Variants in PPIL2 observed in about 807,000 individuals in gnomAD.
The protein encoded by PPIL2 is peptidylprolyl isomerase like 2.
A neutral mutation model predicts 75.2 loss-of-function variants in PPIL2; 50 were observed. The observed-to-expected ratio is 0.66, with a 90% confidence interval of 0.53 to 0.84. The LOEUF (loss-of-function observed/expected upper bound fraction) is 0.84. PPIL2 is among the 40% of genes least tolerant of loss of function. The pLI is 0.00. For synonymous variants in PPIL2, 245 were observed against 258.8 expected, an observed-to-expected ratio of 0.95 and a Z score of 0.51; for missense variants, 590 against 685.0, an observed-to-expected ratio of 0.86 and a Z score of 1.55.
At chr22:21,681,159 C>A in intron 6 of PPIL2, 140 bp from the exon 7 acceptor site, 2 of 681,030 alleles carry the variant, frequency 2.9e-6, no homozygotes, top group Non-Finnish European at 5.2e-6. Flanking sequence ...TGGTTCCCTG[C>A]TCTGGCAGCT....
Position 21,694,752 on chromosome 22 carries a change from TAGG to T in PPIL2, c.1273_1275del (p.Glu425del), listed in dbSNP as rs769583859. The T allele has an allele frequency of 4.6e-5, 74 of 1,610,500 alleles. 1 individual carries two copies. The South Asian group carries it at 7.8e-4, about 17-fold the overall frequency. ...CCGTGCACTGAGCCCCCTTTGCTGC[TAGG>T]AGGAGATCCGCATTGATGCCACTAC... On this transcript the variant is annotated splice_acceptor_variant and coding_sequence_variant, in exon 18 of 20. Coordinates refer to ENST00000398831, the MANE Select transcript of PPIL2 (RefSeq NM_014337.4). LOFTEE classifies it high-confidence loss of function.
At chr22:21,668,871 C>A (rs1036307824) in intron 1 of PPIL2, among the ~76,000 whole-genome samples, 5 of 151,498 alleles carry the variant, frequency 3.3e-5, no homozygotes, top group Admixed American at 6.6e-5. Context: ...GCCACCACGC[C>A]CGGCTAATTT....
chr22:21,681,378 C>G lies in PPIL2; in HGVS notation c.375C>G (p.Val125=). 1 of 1,613,468 alleles carries G rather than the reference C, an allele frequency of 6.2e-7. No homozygotes were observed. Among genetic ancestry groups the G allele is most frequent in the South Asian group, 1.1e-5 (1 of 91,076 alleles). Residue 125 remains valine, a synonymous_variant, in exon 7 of 20, where the codon GTC becomes GTG. Transcript: ENST00000398831. ...HIVAVRTTGN[V]YAYEAVEQLN... is the part of the protein sequence containing the mutation. ...TGGCTGTGAGGACGACCGGCAACGT[C>G]TACGCCTATGAGGTGTGTCCTCGCT... is the stretch of plus-strand genomic sequence containing the variant.
rs2041363090 is a variant in PPIL2 at position 21,693,853 on chromosome 22, A to C, written c.1177A>C (p.Lys393Gln). 6.5e-7 allele frequency: 1 copy of C among 1,546,446 alleles called. No individual in the cohort carries two copies. The highest frequency in any genetic ancestry group is 1.7e-5 in the Admixed American group (1 of 59,890). The stretch of plus-strand genomic sequence containing the variant: ...TCGCTCCTGTGCCTACCTGGACAAG[A>C]AGCATACCATCTTTGGACGGTAAGG... ...TFRSCAYLDKKHTIFGRVVGG... is the reference protein window; with the variant it reads ...TFRSCAYLDKQHTIFGRVVGG... The change falls in exon 16 of 20, where the codon AAG becomes CAG. Residue 393 changes from lysine (K) to glutamine (Q), a missense_variant. Physicochemically the swap from Lys to Gln is moderately conservative, Grantham distance 53. Coordinates refer to ENST00000398831, the MANE Select transcript of PPIL2 (RefSeq NM_014337.4).
At chr22:21,699,789 G>A (rs924153604), downstream of PPIL2, 3 of 152,194 alleles carry the variant, frequency 2.0e-5, no homozygotes, top group African/African-American at 4.9e-5. Context: ...ACTTTTCCTC[G>A]GTCCAGTGTG....
chr22:21,682,607 G>A (rs761637982), intron 8 of PPIL2, 81 bp downstream of exon 8: 61 of 721,266 alleles, frequency 8.5e-5, no homozygotes, highest in African/African-American at 1.5e-4. Flanking sequence ...CTACCCCCAC[G>A]TCAGGGCCCC....
intron 15 of PPIL2, among the ~76,000 whole-genome samples, chr22:21,689,530 A>T (rs1446257808): frequency 6.6e-6 from 1 of 152,208 alleles, no homozygotes; most frequent in Non-Finnish European, 1.5e-5. Flanking sequence ...GTAGAGAAAA[A>T]CTACCGTTCA....
chr22:21,685,515 T>G, intron 10 of PPIL2: 1 of 368,196 alleles, frequency 2.7e-6, no homozygotes, highest in Non-Finnish European at 5.2e-6. Context: ...GTTCTCCTTC[T>G]TAAAGAATTA....
chr22:21,682,268 CTG>C (rs1217529254), intron 7 of PPIL2, among the ~76,000 whole-genome samples, 167 bp from the exon 8 acceptor site: 1 of 152,320 alleles, frequency 6.6e-6, no homozygotes, highest in East Asian at 1.9e-4. Flanking sequence ...AGCTCCGCCT[CTG>C]TGGGAGCCAC....
intron 10 of PPIL2, among the ~76,000 whole-genome samples, chr22:21,686,144 C>T (rs1008783401): frequency 1.4e-4 from 22 of 152,116 alleles, no homozygotes; most frequent in African/African-American, 5.3e-4. Context: ...AGCCTGGGTA[C>T]AGAGCAAGAC....
intron 8 of PPIL2, among the ~76,000 whole-genome samples, chr22:21,682,827 GA>G (rs1320492290): frequency 6.6e-6 from 1 of 152,262 alleles, no homozygotes; most frequent in African/African-American, 2.4e-5. Flanking sequence ...GTGGCCTGCT[GA>G]GTCAATCACC....
intron 2 of PPIL2, chr22:21,670,365 G>T: frequency 2.0e-6 from 3 of 1,507,622 alleles, no homozygotes; most frequent in Non-Finnish European, 2.7e-6. Flanking sequence ...TAAAAAGTAT[G>T]CACTTTTCCC....
intron 7 of PPIL2, 88 bp downstream of exon 7, chr22:21,681,478 G>A (rs1601547503): frequency 5.0e-6 from 6 of 1,202,730 alleles, no homozygotes; most frequent in Non-Finnish European, 6.1e-6. Context: ...TGTGTGCTAC[G>A]TGTACGGCCT....
intron 1 of PPIL2, 147 bp downstream of exon 1, chr22:21,666,278 C>G: frequency 3.1e-6 from 3 of 977,870 alleles, no homozygotes; most frequent in Non-Finnish European, 4.4e-6. Flanking sequence ...CGCCCTGTCT[C>G]CAGTCAGGGT....
intron 6 of PPIL2, among the ~76,000 whole-genome samples, chr22:21,678,524 C>T (rs538913966): frequency 5.0e-4 from 75 of 151,472 alleles, no homozygotes; most frequent in African/African-American, 1.8e-3. Context: ...AGCCACTGCG[C>T]CCCACCTGTT....
chr22:21,696,513 C>T lies in PPIL2; in HGVS notation c.*1023C>T. 1 of 1,296,942 alleles carries T rather than the reference C, an allele frequency of 7.7e-7. No individual in the cohort carries two copies. The highest frequency in any genetic ancestry group is 1.6e-5 in the South Asian group (1 of 63,970). 80.3% of individuals were successfully genotyped at this position (1,296,942 alleles called of 1,614,324 possible). ...CAGCAGCCCTTAAAGAAAGACCCCT[C>T]CCTCAACCCCCATTTTTCTGTTAAA... On this transcript the variant is annotated 3_prime_UTR_variant, in exon 20 of 20. Transcript: ENST00000398831.
chr22:21,668,611 G>A (rs940812395), intron 1 of PPIL2, among the ~76,000 whole-genome samples: 4 of 142,936 alleles, frequency 2.8e-5, no homozygotes, highest in South Asian at 2.4e-4. Context: ...CCTGGGCAGC[G>A]AGCAAGACTC....
At chr22:21,692,355 C>G (rs373386983) in intron 15 of PPIL2, among the ~76,000 whole-genome samples, 2 of 151,280 alleles carry the variant, frequency 1.3e-5, no homozygotes, top group Non-Finnish European at 2.9e-5. Context: ...GGGGTTTCAC[C>G]GTGTTAGCGA....
At chr22:21,698,400 T>A (rs990001962), downstream of PPIL2, 1 of 152,210 alleles carries the variant, frequency 6.6e-6, no homozygotes, top group Non-Finnish European at 1.5e-5. Context: ...AAGCTCTAAA[T>A]AGAACTTTAG....
Sources: gnomAD v4.1 joint callset for allele counts (sites outside exome capture counted in the v4.1 genomes callset) on GRCh38, gnomAD v4.1.1 for gene constraint, MANE v1.5 for transcripts, NCBI Gene and HGNC (gene_info 2026-07-23, HGNC 2026-07-21) for gene names.